MEP1A: variants seen among roughly 807,000 people sequenced by gnomAD.
MEP1A encodes N-benzoyl-L-tyrosyl-P-amino-benzoic acid hydrolase subunit alpha.
MEP1A carries 68 observed loss-of-function variants against 84.5 expected under a neutral mutation model. The ratio of observed to expected loss-of-function variants is 0.80; its 90% CI spans 0.66 to 0.98. The LOEUF (loss-of-function observed/expected upper bound fraction) is 0.98. Ranked by LOEUF, MEP1A falls within the 50% of genes least tolerant of loss-of-function variation. The probability of loss-of-function intolerance (pLI) is 0.00; values close to 1 mark genes in which losing one functional copy is unlikely to be tolerated. For synonymous variants in MEP1A, 337 were observed against 336.8 expected (o/e 1.00, Z -0.01); for missense variants, 887 against 919.9 (o/e 0.96, Z 0.46).
Position 46,798,598 on chromosome 6 carries a change from A to C in MEP1A, c.146-8A>C. On this transcript the variant is annotated splice_polypyrimidine_tract_variant and splice_region_variant and intron_variant, in intron 3 of 13. Coordinates refer to ENST00000230588, the MANE Select transcript of MEP1A (RefSeq NM_005588.3). ...ATATTCTTTTTTTAAAAAAAATTCC[A>C]CTTCCAGCTGCAGGCTTGGACCTCT... 1 of 1,613,094 alleles carries C rather than the reference A, an allele frequency of 6.2e-7. No homozygotes were observed. The highest frequency in any genetic ancestry group is 8.5e-7 in the Non-Finnish European group (1 of 1,179,302).
intron 6 of MEP1A, among the ~76,000 whole-genome samples, chr6:46,812,203 G>C (rs1767519893): frequency 1.3e-5 from 2 of 151,938 alleles, no homozygotes; most frequent in Non-Finnish European, 2.9e-5. Flanking sequence ...ATCTAGGAGG[G>C]TTGTATATTT....
intron 6 of MEP1A, among the ~76,000 whole-genome samples, chr6:46,814,249 T>A (rs535536557): frequency 5.3e-5 from 8 of 152,188 alleles, no homozygotes; most frequent in South Asian, 2.1e-4. Flanking sequence ...ATTTAAAAAA[T>A]TTTTTTGTTT....
At chr6:46,830,483 A>G (rs1190280534) in intron 10 of MEP1A, among the ~76,000 whole-genome samples, 1 of 152,138 alleles carries the variant, frequency 6.6e-6, no homozygotes, top group African/African-American at 2.4e-5. Context: ...TTATAGATGG[A>G]GAAATTTTTG....
chr6:46,802,375 T>C (rs992601534), intron 5 of MEP1A, among the ~76,000 whole-genome samples: 14 of 152,018 alleles, frequency 9.2e-5, no homozygotes, highest in Admixed American at 3.3e-4. Context: ...CTACATAATG[T>C]TTTCTGCTAA....
At chr6:46,797,820 T>TCTC (rs1767085843) in intron 3 of MEP1A, among the ~76,000 whole-genome samples, 1 of 94,146 alleles carries the variant, frequency 1.1e-5, no homozygotes, top group Non-Finnish European at 2.2e-5. Context: ...CTTTCTTTCT[T>TCTC]TCTTTCTTTC....
At chr6:46,798,424 T>A (rs369138721) in intron 3 of MEP1A, among the ~76,000 whole-genome samples, 182 bp from the exon 4 acceptor site, 8 of 152,238 alleles carry the variant, frequency 5.3e-5, no homozygotes, top group African/African-American at 1.9e-4. Flanking sequence ...TATGACAATA[T>A]GTGATACTCA....
intron 7 of MEP1A, among the ~76,000 whole-genome samples, chr6:46,822,724 T>C (rs1163273160): frequency 6.6e-6 from 1 of 152,098 alleles, no homozygotes; most frequent in Non-Finnish European, 1.5e-5. Flanking sequence ...TTGTATTTTT[T>C]AGTAGAGATG....
In MEP1A at chr6:46,833,497, C is replaced by T. The variant is rs766506332; in HGVS notation, c.1568C>T (p.Ser523Leu). The T allele has an allele frequency of 9.3e-6, 15 of 1,614,050 alleles. No homozygotes were observed. Among genetic ancestry groups the T allele is most frequent in the African/African-American group, 2.7e-5 (2 of 74,922 alleles). Reference protein sequence around the residue: ...QEPDVRNRMSSSMVFTTSKSH... With the variant: ...QEPDVRNRMSLSMVFTTSKSH... ...CCTGATGTCCGGAACAGGATGTCCT[C>T]AAGCATGGTGTTCACTACCTCGAAG... Residue 523 changes from serine (S) to leucine (L), a missense_variant, in exon 11 of 14, where the codon TCA (serine) becomes TTA (leucine). Coordinates refer to ENST00000230588, the MANE Select transcript of MEP1A (RefSeq NM_005588.3).
chr6:46,809,022 A>C (rs2150744757), intron 5 of MEP1A, among the ~76,000 whole-genome samples: 1 of 152,066 alleles, frequency 6.6e-6, no homozygotes. Flanking sequence ...AGCCAGAGCT[A>C]CTCACAAGCC....
In MEP1A at chr6:46,794,391, A is replaced by G. The variant is rs550489306; in HGVS notation, c.145+675A>G. 5.5e-4 allele frequency among the ~76,000 whole-genome samples: 84 copies of G among 152,332 alleles called. 1 individual carries two copies. The highest frequency in any genetic ancestry group is 1.2e-3 in the Admixed American group (19 of 15,306). On this transcript the variant is annotated intron_variant, in intron 3 of 13. Coordinates refer to ENST00000230588, the MANE Select transcript of MEP1A (RefSeq NM_005588.3). The stretch of plus-strand genomic sequence containing the variant: ...TACAAAAGCTTTTATATGCAATTGC[A>G]TATTTATTTGTCCAGTCTTGTCGTG...
At chr6:46,824,003 G>A (rs571069016) in intron 7 of MEP1A, among the ~76,000 whole-genome samples, 44 of 152,190 alleles carry the variant, frequency 2.9e-4, no homozygotes, top group Admixed American at 5.2e-4. Context: ...GCCTTGATTG[G>A]CAGGATCCCC....
At chr6:46,842,343 TA>T (rs1212887638), downstream of MEP1A, among the ~76,000 whole-genome samples, 7 of 152,138 alleles carry the variant, frequency 4.6e-5, no homozygotes, top group African/African-American at 1.7e-4. Flanking sequence ...AGAGAGCGTA[TA>T]AATGGACATG....
intron 10 of MEP1A, among the ~76,000 whole-genome samples, chr6:46,830,748 C>T (rs763490436): frequency 9.9e-5 from 15 of 152,150 alleles, no homozygotes; most frequent in Non-Finnish European, 1.5e-4. Flanking sequence ...GTGCCCAAAT[C>T]GCCTATATCC....
chr6:46,795,463 G>C (rs1459387856), intron 3 of MEP1A, among the ~76,000 whole-genome samples: 1 of 151,948 alleles, frequency 6.6e-6, no homozygotes, highest in African/African-American at 2.4e-5. Context: ...ACCATGCCAG[G>C]CTAGTTTTTC....
chr6:46,810,626 C>A (rs1005042484), intron 6 of MEP1A, among the ~76,000 whole-genome samples: 6 of 152,116 alleles, frequency 3.9e-5, no homozygotes, highest in Non-Finnish European at 5.9e-5. Context: ...TTTGATCCAT[C>A]TTGAGTTGAT....
intron 6 of MEP1A, among the ~76,000 whole-genome samples, chr6:46,818,286 T>G (rs1241226359): frequency 6.6e-6 from 1 of 152,200 alleles, no homozygotes; most frequent in Non-Finnish European, 1.5e-5. Flanking sequence ...GATTCATCTT[T>G]GAGTAAAAAT....
At chr6:46,814,126 A>G (rs1179066077) in intron 6 of MEP1A, among the ~76,000 whole-genome samples, 1 of 152,164 alleles carries the variant, frequency 6.6e-6, no homozygotes, top group Admixed American at 6.5e-5. Context: ...GTTTTCCTCA[A>G]TTATTCCCTC....
chr6:46,841,067 C>T (rs899252288), downstream of MEP1A, among the ~76,000 whole-genome samples: 18 of 152,170 alleles, frequency 1.2e-4, no homozygotes, highest in African/African-American at 2.2e-4. Context: ...CATGGAAAGG[C>T]CCCAAGCCCA....
At chr6:46,840,619 G>C (rs1213070813), downstream of MEP1A, among the ~76,000 whole-genome samples, 1 of 152,154 alleles carries the variant, frequency 6.6e-6, no homozygotes, top group Non-Finnish European at 1.5e-5. Context: ...ATTTTAGTAA[G>C]AAATCATTTA....
Sources: gnomAD v4.1 joint callset for allele counts (sites outside exome capture counted in the v4.1 genomes callset) on GRCh38, gnomAD v4.1.1 for gene constraint, MANE v1.5 for transcripts, NCBI Gene and HGNC (gene_info 2026-07-23, HGNC 2026-07-21) for gene names.